BCOR: variants seen among roughly 807,000 people sequenced by gnomAD.
BCOR encodes BCL6 corepressor.
BCOR carries 10 observed loss-of-function variants against 86.7 expected under a neutral mutation model. The ratio of observed to expected loss-of-function variants is 0.12; its 90% CI spans 0.07 to 0.20. The LOEUF (loss-of-function observed/expected upper bound fraction) is 0.20. Among genes scored for constraint, BCOR ranks in the 10% least tolerant of loss-of-function variants. BCOR has a pLI of 1.00. For missense variants in BCOR, 1,259 were observed against 1,452.1 expected, an observed-to-expected ratio of 0.87 and a Z score of 2.16; for synonymous variants, 611 against 609.0, an observed-to-expected ratio of 1.00 and a Z score of -0.05.
intron 1 of BCOR, among the ~76,000 whole-genome samples, chrX:40,090,310 C>A (rs1170326871): frequency 4.4e-5 from 5 of 113,484 alleles, no homozygotes; most frequent in African/African-American, 1.6e-4. Context: ...CCCCGCTAGC[C>A]AGCCGAGCAC....
intron 1 of BCOR, among the ~76,000 whole-genome samples, chrX:40,161,198 G>GT (rs201049147): frequency 0.016 from 1,651 of 100,315 alleles, 36 homozygotes; most frequent in Admixed American, 0.053. Context: ...GTTTTTTGGG[G>GT]TTTTTTTTTG....
intron 1 of BCOR, among the ~76,000 whole-genome samples, chrX:40,106,967 G>A (rs1171772292): frequency 9.0e-6 from 1 of 110,879 alleles, no homozygotes. Context: ...TGTGACCAGG[G>A]GTGAAGAACT....
At position 40,084,706 on chromosome X, in the gene BCOR, C is replaced by G. The variant is rs908634179; in HGVS notation, c.-40-6737G>C. Among the ~76,000 whole-genome samples the G allele has an allele frequency of 3.2e-4, 32 of 98,758 alleles. 1 individual carries two copies. Among genetic ancestry groups the G allele is most frequent in the African/African-American group, 1.3e-3 (29 of 21,489 alleles). 85.8% of individuals were successfully genotyped at this position (98,758 alleles called of 115,157 possible). A position where few individuals can be genotyped will look rare whatever the true frequency, so the allele number is the denominator to read the frequency against. On this transcript the variant is annotated intron_variant, in intron 1 of 14. Coordinates refer to ENST00000378444, the MANE Select transcript of BCOR (RefSeq NM_001123385.2). Reference sequence around the variant, plus strand: ...AAACACAAACGCCGTCGCCGCCACCCCCCCCCACCACCACCACCACCGAAG... The same window carrying G: ...AAACACAAACGCCGTCGCCGCCACCGCCCCCCACCACCACCACCACCGAAG...
At chrX:40,100,406 C>G (rs1214372506), upstream of BCOR, among the ~76,000 whole-genome samples, 1 of 112,121 alleles carries the variant, frequency 8.9e-6, no homozygotes, top group Middle Eastern at 4.6e-3. Context: ...TATCCCCTCC[C>G]CTCGTCTCCC....
intron 1 of BCOR, among the ~76,000 whole-genome samples, chrX:40,105,820 C>T (rs765435133): frequency 8.8e-6 from 1 of 113,052 alleles, no homozygotes; most frequent in Non-Finnish European, 1.9e-5. Flanking sequence ...TGCTGGGGGC[C>T]CGGGTCTCCT....
intron 1 of BCOR, among the ~76,000 whole-genome samples, chrX:40,151,667 C>G (rs1000442715): frequency 2.7e-5 from 3 of 112,873 alleles, no homozygotes; most frequent in Non-Finnish European, 5.6e-5. Context: ...GGGAGGGGAG[C>G]GACAGGCAGC....
At chrX:40,166,747 G>C (rs1049824722) in intron 1 of BCOR, among the ~76,000 whole-genome samples, 2 of 112,084 alleles carry the variant, frequency 1.8e-5, no homozygotes, top group African/African-American at 6.5e-5. Context: ...AGTGCATCTG[G>C]TTATGATTAC....
intron 1 of BCOR, among the ~76,000 whole-genome samples, chrX:40,094,207 C>T (rs1936742671): frequency 8.9e-6 from 1 of 111,821 alleles, no homozygotes; most frequent in African/African-American, 3.3e-5. Flanking sequence ...CTAGCTCGCT[C>T]ACTCGCAGCT....
intron 1 of BCOR, among the ~76,000 whole-genome samples, chrX:40,111,012 C>T (rs1340874124): frequency 1.8e-5 from 2 of 110,580 alleles, no homozygotes; most frequent in African/African-American, 6.6e-5. Context: ...CACGCCCGGC[C>T]GAGAATCAAC....
intron 1 of BCOR, among the ~76,000 whole-genome samples, chrX:40,095,089 C>T (rs370742187): frequency 8.9e-6 from 1 of 111,984 alleles, no homozygotes; most frequent in South Asian, 3.7e-4. Flanking sequence ...GCGGTGTATA[C>T]CCGCACACTG....
At chrX:40,163,602 A>C in intron 1 of BCOR, among the ~76,000 whole-genome samples, 1 of 14,692 alleles carries the variant, frequency 6.8e-5, no homozygotes, top group Non-Finnish European at 1.3e-4. Flanking sequence ...CCACCCCACC[A>C]TGGCCACAAG....
At chrX:40,171,875 T>C (rs1938629003) in intron 1 of BCOR, among the ~76,000 whole-genome samples, 1 of 112,710 alleles carries the variant, frequency 8.9e-6, no homozygotes, top group South Asian at 3.6e-4. Flanking sequence ...GGGAAAGGCG[T>C]GTGTTCTGCC....
chrX:40,166,943 T>C (rs1938518056), intron 1 of BCOR, among the ~76,000 whole-genome samples: 1 of 111,488 alleles, frequency 9.0e-6, no homozygotes, highest in Non-Finnish European at 1.9e-5. Flanking sequence ...TTTGTCAGGC[T>C]GGACTACCAG....
intron 1 of BCOR, among the ~76,000 whole-genome samples, chrX:40,170,515 T>G (rs1938598670): frequency 9.0e-6 from 1 of 110,684 alleles, no homozygotes; most frequent in African/African-American, 3.3e-5. Flanking sequence ...GCCCGGCTAA[T>G]TTTTTGTATT....
chrX:40,170,320 A>G (rs926449238), intron 1 of BCOR, among the ~76,000 whole-genome samples: 1 of 108,100 alleles, frequency 9.3e-6, no homozygotes, highest in Non-Finnish European at 1.9e-5. Flanking sequence ...GCTACTATAA[A>G]TTTATATTCT....
intron 8 of BCOR, 79 bp downstream of exon 8, chrX:40,063,529 C>T (rs1312437802): frequency 9.5e-6 from 8 of 842,654 alleles, no homozygotes; most frequent in Non-Finnish European, 1.4e-5. Context: ...AAGATCTCCT[C>T]AAAAGCCCTT....
intron 1 of BCOR, among the ~76,000 whole-genome samples, chrX:40,080,438 A>AAAAC (rs1277403579): frequency 4.5e-5 from 5 of 110,974 alleles, no homozygotes; most frequent in Admixed American, 1.9e-4. Flanking sequence ...CAAAACTCAA[A>AAAAC]AAACAAACAA....
intron 1 of BCOR, among the ~76,000 whole-genome samples, chrX:40,142,266 C>A (rs1449412466): frequency 8.9e-6 from 1 of 112,418 alleles, no homozygotes; most frequent in Non-Finnish European, 1.9e-5. Context: ...GTCTCTTTTG[C>A]CACAAACATG....
intron 1 of BCOR, among the ~76,000 whole-genome samples, chrX:40,139,511 TTA>T (rs1937867261): frequency 1.6e-5 from 1 of 61,287 alleles, no homozygotes; most frequent in African/African-American, 5.3e-5. Flanking sequence ...TTTTTTTTTT[TTA>T]AGCATCAGCC....
Sources: gnomAD v4.1 joint callset for allele counts (sites outside exome capture counted in the v4.1 genomes callset) on GRCh38, gnomAD v4.1.1 for gene constraint, MANE v1.5 for transcripts, NCBI Gene and HGNC (gene_info 2026-07-23, HGNC 2026-07-21) for gene names.